Variants in SFMBT1 observed in about 807,000 individuals in gnomAD.
SFMBT1 encodes the protein scm-like with four MBT domains protein 1.
SFMBT1 carries 32 observed loss-of-function variants against 108.7 expected under a neutral mutation model. The ratio of observed to expected loss-of-function variants is 0.29; its 90% confidence interval spans 0.22 to 0.40. The LOEUF (loss-of-function observed/expected upper bound fraction) is 0.40. Ranked by LOEUF, SFMBT1 falls within the 10% of genes least tolerant of loss-of-function variation. The pLI, the probability that SFMBT1 is intolerant of heterozygous loss-of-function variation, is 1.00. For synonymous variants in SFMBT1, 348 were observed against 369.5 expected, an observed-to-expected ratio of 0.94 and a Z score of 0.67; for missense variants, 816 against 1,059.6, an observed-to-expected ratio of 0.77 and a Z score of 3.19.
intron 1 of SFMBT1, among the ~76,000 whole-genome samples, chr3:52,980,352 C>T (rs1480172645): frequency 6.6e-6 from 1 of 152,172 alleles, no homozygotes; most frequent in Non-Finnish European, 1.5e-5. Flanking sequence ...CTGTATGACA[C>T]TAATCATCTC....
intron 10 of SFMBT1, among the ~76,000 whole-genome samples, chr3:52,922,138 T>C (rs1001062686): frequency 6.6e-6 from 1 of 152,156 alleles, no homozygotes. Context: ...GGTTGAGAAC[T>C]CCCATCTGGC....
intron 2 of SFMBT1, among the ~76,000 whole-genome samples, chr3:52,958,449 G>A (rs1374013233): frequency 6.6e-6 from 1 of 152,190 alleles, no homozygotes; most frequent in Non-Finnish European, 1.5e-5. Flanking sequence ...AAATTAGCCA[G>A]GCGTGGTGGC....
At chr3:52,924,287 C>G (rs1702596501) in intron 10 of SFMBT1, among the ~76,000 whole-genome samples, 1 of 152,126 alleles carries the variant, frequency 6.6e-6, no homozygotes, top group African/African-American at 2.4e-5. Flanking sequence ...ACAAGGGACC[C>G]CAAATCATAC....
chr3:53,022,023 G>A (rs147297996), intron 1 of SFMBT1, among the ~76,000 whole-genome samples: 97 of 152,172 alleles, frequency 6.4e-4, no homozygotes, highest in African/African-American at 2.1e-3. Context: ...ATTCCTCACC[G>A]CTCTCTAGAA....
At chr3:53,019,514 A>G (rs1699233863) in intron 1 of SFMBT1, among the ~76,000 whole-genome samples, 1 of 151,920 alleles carries the variant, frequency 6.6e-6, no homozygotes, top group African/African-American at 2.4e-5. Flanking sequence ...TTCCTTCTCA[A>G]CCCAACTCTC....
At chr3:52,912,972 A>C (rs1012595244) in intron 15 of SFMBT1, among the ~76,000 whole-genome samples, 7 of 152,192 alleles carry the variant, frequency 4.6e-5, no homozygotes, top group Non-Finnish European at 7.3e-5. Flanking sequence ...ATTTGTTTGG[A>C]CCACTGTGTA....
chr3:52,989,884 A>G (rs1705061395), intron 1 of SFMBT1, among the ~76,000 whole-genome samples: 1 of 152,234 alleles, frequency 6.6e-6, no homozygotes, highest in Admixed American at 6.5e-5. Context: ...AGACGTCTGA[A>G]GTCATCCAAA....
At chr3:53,032,328 C>A (rs1699715610) in intron 1 of SFMBT1, among the ~76,000 whole-genome samples, 2 of 152,176 alleles carry the variant, frequency 1.3e-5, no homozygotes, top group South Asian at 4.1e-4. Flanking sequence ...CGGGATCACA[C>A]CCCTGCACTC....
At chr3:52,964,633 T>C (rs1376529895) in intron 2 of SFMBT1, among the ~76,000 whole-genome samples, 1 of 152,062 alleles carries the variant, frequency 6.6e-6, no homozygotes, top group Non-Finnish European at 1.5e-5. Context: ...GGTCTCTAAA[T>C]ATCATACCTA....
At chr3:52,911,287 T>C in intron 16 of SFMBT1, 109 bp from the exon 17 acceptor site, 1 of 1,108,778 alleles carries the variant, frequency 9.0e-7, no homozygotes, top group South Asian at 1.7e-5. Flanking sequence ...TGGAATATTC[T>C]ATGTCCTTTA....
chr3:52,906,972 T>C (rs878877934), intron 19 of SFMBT1, 97 bp downstream of exon 19: 14 of 1,426,366 alleles, frequency 9.8e-6, no homozygotes, highest in East Asian at 4.6e-5. Flanking sequence ...TAAGTCTGTA[T>C]TGAAAGAAGT....
chr3:53,024,557 G>C (rs1295403351), intron 1 of SFMBT1, among the ~76,000 whole-genome samples: 1 of 152,056 alleles, frequency 6.6e-6, no homozygotes, highest in South Asian at 2.1e-4. Flanking sequence ...TTGCTAACAG[G>C]GTCGTTGTGT....
At chr3:52,920,793 C>T (rs1476086911) in intron 11 of SFMBT1, 143 bp from the exon 12 acceptor site, 4 of 592,308 alleles carry the variant, frequency 6.8e-6, no homozygotes, top group African/African-American at 5.7e-5. Flanking sequence ...AGAAGTCATA[C>T]ATTTTCATGT....
At chr3:53,015,349 A>G (rs1699090372) in intron 1 of SFMBT1, among the ~76,000 whole-genome samples, 1 of 152,188 alleles carries the variant, frequency 6.6e-6, no homozygotes, top group African/African-American at 2.4e-5. Flanking sequence ...AAAATGGTAT[A>G]GGCAATTTGA....
chr3:52,980,885 G>A (rs1434184460), intron 1 of SFMBT1, among the ~76,000 whole-genome samples: 2 of 152,178 alleles, frequency 1.3e-5, no homozygotes, highest in Admixed American at 1.3e-4. Context: ...GAAGGAGTCC[G>A]GTCGCGGTAG....
At chr3:52,963,195 A>G (rs1159989596) in intron 2 of SFMBT1, among the ~76,000 whole-genome samples, 2 of 151,638 alleles carry the variant, frequency 1.3e-5, no homozygotes, top group African/African-American at 2.4e-5. Flanking sequence ...GGGTTTTACC[A>G]TGTTGGCCAG....
At chr3:53,031,228 A>T (rs957381656) in intron 1 of SFMBT1, among the ~76,000 whole-genome samples, 1 of 152,208 alleles carries the variant, frequency 6.6e-6, no homozygotes. Flanking sequence ...CCTGTGGCCC[A>T]TGCACCTGCG....
chr3:53,021,449 T>C (rs1468120478), intron 1 of SFMBT1, among the ~76,000 whole-genome samples: 1 of 152,216 alleles, frequency 6.6e-6, no homozygotes, highest in Non-Finnish European at 1.5e-5. Flanking sequence ...GTTTAAATTT[T>C]TCCATAATAA....
chr3:52,960,780 C>T (rs963506065), intron 2 of SFMBT1, among the ~76,000 whole-genome samples: 1 of 151,988 alleles, frequency 6.6e-6, no homozygotes, highest in Non-Finnish European at 1.5e-5. Context: ...CATCAACAGA[C>T]GAATGGATAA....
Sources: gnomAD v4.1 joint callset for allele counts (sites outside exome capture counted in the v4.1 genomes callset) on GRCh38, gnomAD v4.1.1 for gene constraint, MANE v1.5 for transcripts, NCBI Gene and HGNC (gene_info 2026-07-23, HGNC 2026-07-21) for gene names.